The following POLD2 variants were observed in gnomAD, a reference collection of about 807,000 sequenced individuals.
POLD2 encodes the protein DNA polymerase delta 2, accessory subunit, also known as DNA polymerase delta subunit 2.
A neutral mutation model predicts 48.8 loss-of-function variants in POLD2; 31 were observed. The observed-to-expected ratio is 0.64, with a 90% confidence interval of 0.48 to 0.86. The LOEUF (loss-of-function observed/expected upper bound fraction) is 0.86. Among genes scored for constraint, POLD2 ranks in the 40% least tolerant of loss-of-function variants. The pLI, the probability that POLD2 is intolerant of heterozygous loss-of-function variation, is 0.00. For missense variants in POLD2, 455 were observed against 610.1 expected (o/e 0.75, Z 2.68); for synonymous variants, 233 against 256.3 (o/e 0.91, Z 0.87).
At chr7:44,123,766 T>A (rs1369542051), upstream of POLD2, 2 of 1,283,668 alleles carry the variant, frequency 1.6e-6, no homozygotes, top group Non-Finnish European at 2.0e-6. Context: ...GCCGCGGGTC[T>A]TTGGTTGGCG....
At chr7:44,119,015 C>G (rs1375293338) in intron 2 of POLD2, among the ~76,000 whole-genome samples, 1 of 150,900 alleles carries the variant, frequency 6.6e-6, no homozygotes, top group African/African-American at 2.4e-5. Flanking sequence ...CACCCTACCC[C>G]CCACCCCCAA....
At chr7:44,117,806 G>C (rs2096242592) in intron 3 of POLD2, 64 bp from the exon 4 acceptor site, 1 of 1,606,586 alleles carries the variant, frequency 6.2e-7, no homozygotes, top group Non-Finnish European at 8.5e-7. Flanking sequence ...TGGTGTTAGT[G>C]AGCTGGCACC....
Position 44,116,865 on chromosome 7 carries a change from A to T in POLD2, c.732T>A (p.Ala244=), listed in dbSNP as rs760962507. 2.5e-6 allele frequency: 4 copies of T among 1,613,986 alleles called. No homozygotes were observed. Among genetic ancestry groups the T allele is most frequent in the Admixed American group, 1.7e-5 (1 of 60,026 alleles). The change falls in exon 6 of 11, where the codon GCT becomes GCA. Residue 244 remains alanine (A), a synonymous_variant. Coordinates refer to ENST00000610533, the MANE Select transcript of POLD2 (RefSeq NM_006230.4). The surrounding 1 kb of genome is among the most constrained non-coding windows in gnomAD (Gnocchi z 6.1). ...SAAHVSRVIL[A]GNLLSHSTQS... is the part of the protein sequence containing the mutation. The stretch of plus-strand genomic sequence containing the variant: ...GGGTGCTGTGGCTGAGGAGGTTGCC[A>T]GCGAGGATAACCCGGGAGACGTGGG...
chr7:44,122,223 T>C (rs762922160), intron 1 of POLD2, 114 bp from the exon 2 acceptor site: 21 of 1,432,514 alleles, frequency 1.5e-5, no homozygotes, highest in Non-Finnish European at 1.8e-5. Context: ...ACAGCTGTAG[T>C]TGACACCAGA....
chr7:44,119,701 A>G (rs2096245733), intron 2 of POLD2, among the ~76,000 whole-genome samples: 1 of 152,242 alleles, frequency 6.6e-6, no homozygotes, highest in African/African-American at 2.4e-5. Context: ...TGTAACCGAT[A>G]GTAGGACATG....
chr7:44,122,737 C>G (rs758981), intron 1 of POLD2: 8,616 of 152,450 alleles, frequency 0.057, 335 homozygotes, highest in East Asian at 0.2. Flanking sequence ...CTCTTGCTTG[C>G]CCCTCTCCCG....
chr7:44,120,262 C>T (rs1390114976), intron 2 of POLD2, among the ~76,000 whole-genome samples: 1 of 152,208 alleles, frequency 6.6e-6, no homozygotes, highest in African/African-American at 2.4e-5. Context: ...TATCGTCCAT[C>T]ACTGGGGAGC....
rs756933625 is a variant in POLD2, at chr7:44,115,277, C to T, written c.1249+18G>A. 6.4e-7 allele frequency: 1 copy of T among 1,564,876 alleles called. No individual in the cohort carries two copies. Among genetic ancestry groups the T allele is most frequent in the Non-Finnish European group, 8.8e-7 (1 of 1,135,066 alleles). ...CAAATCAGCAAATCAGCCTGGGCCC[C>T]CAGAAGACAAAAATTACCTCGGATG... is the stretch of plus-strand genomic sequence containing the variant. On this transcript the variant is annotated intron_variant, in intron 10 of 10. Coordinates refer to ENST00000610533, the MANE Select transcript of POLD2 (RefSeq NM_006230.4).
chr7:44,122,466 C>T (rs2096249579), intron 1 of POLD2: 3 of 1,033,510 alleles, frequency 2.9e-6, no homozygotes, highest in South Asian at 8.8e-5. Flanking sequence ...GCACCTGTCT[C>T]ATTTCCAGAC....
At chr7:44,122,644 T>G (rs2128813115) in intron 1 of POLD2, among the ~76,000 whole-genome samples, 1 of 152,322 alleles carries the variant, frequency 6.6e-6, no homozygotes, top group Non-Finnish European at 1.5e-5. Flanking sequence ...CAACTGCCTA[T>G]GAGATCTGCT....
chr7:44,117,402 G>T, intron 4 of POLD2, 155 bp from the exon 5 acceptor site: 1 of 719,576 alleles, frequency 1.4e-6, no homozygotes, highest in Non-Finnish European at 2.4e-6. Flanking sequence ...TGGAGTCACT[G>T]CCCTTGGATG....
Position 44,114,907 on chromosome 7 carries a change from CAG to C in POLD2, c.1286_1287del (p.Pro429ArgfsTer32). On this transcript the variant is annotated frameshift_variant, in exon 11 of 11. Coordinates refer to ENST00000610533, the MANE Select transcript of POLD2 (RefSeq NM_006230.4). LOFTEE classifies it high-confidence loss of function. ...EDQTVLLVTV[P>X]DFSATQTACL... is the part of the protein sequence containing the mutation. ...CAGGCGGTCTGCGTGGCACTGAAGT[CAG>C]GGACAGTCACCAACAGCACTGTCTG... is the stretch of plus-strand genomic sequence containing the variant. 1.9e-6 allele frequency: 3 copies of C among 1,613,344 alleles called. No homozygotes were observed. Among genetic ancestry groups the C allele is most frequent in the Non-Finnish European group, 2.5e-6 (3 of 1,179,484 alleles).
Position 44,121,963 on chromosome 7 carries a change from T to G in POLD2, c.91A>C (p.Thr31Pro). 1 of 1,613,848 alleles carries G rather than the reference T, an allele frequency of 6.2e-7. No homozygotes were observed. Among genetic ancestry groups the G allele is most frequent in the Non-Finnish European group, 8.5e-7 (1 of 1,180,036 alleles). The change falls in exon 2 of 11, where the codon ACC becomes CCC. Residue 31 changes from threonine to proline, a missense_variant. Thr to Pro is a conservative substitution (Grantham distance 38). Coordinates refer to ENST00000610533, the MANE Select transcript of POLD2 (RefSeq NM_006230.4). The surrounding 1 kb of genome is among the most constrained non-coding windows in gnomAD (Gnocchi z 4.5). ...AAGGGTTGTGAGGAGTTGGTGTAGG[T>G]TGCCACTGGCACCCGGGCAAAGGTG... ...NATFARVPVA[T>P]YTNSSQPFRL...
chr7:44,117,600 C>T lies in POLD2; in HGVS notation c.466+19G>A. ...GCTCTTCACCTGCATCACCCACATC[C>T]TCTCATTGGGCTCCCTACCCGTAAC... On this transcript the variant is annotated intron_variant, in intron 4 of 10. Coordinates refer to ENST00000610533, the MANE Select transcript of POLD2 (RefSeq NM_006230.4). 1 of 1,594,376 alleles carries T rather than the reference C, an allele frequency of 6.3e-7. No homozygotes were observed.
upstream of POLD2, chr7:44,123,554 G>A (rs1412521229): frequency 4.7e-6 from 7 of 1,479,874 alleles, no homozygotes; most frequent in Admixed American, 2.3e-5. Flanking sequence ...CGCCTGCCCC[G>A]CCCATCGCCG....
In POLD2 at chr7:44,123,514, G is replaced by T. The variant is rs576036657; in HGVS notation, c.-60C>A. 2 of 1,481,740 alleles carry T rather than the reference G, an allele frequency of 1.3e-6. No individual in the cohort carries two copies. Among genetic ancestry groups the T allele is most frequent in the Non-Finnish European group, 1.8e-6 (2 of 1,124,020 alleles). The allele number at this position is 1,481,740 out of a possible 1,614,324, so 91.8% of individuals were successfully genotyped here. A position where few individuals can be genotyped will look rare whatever the true frequency, so the allele number is the denominator to read the frequency against. On this transcript the variant is annotated 5_prime_UTR_variant, in exon 1 of 11. Coordinates refer to ENST00000610533, the MANE Select transcript of POLD2 (RefSeq NM_006230.4). ...CGTTTCCCTGGACCCCACTCACCGC[G>T]CGGCGCGCCGCATCCCGCCAATCCC...
intron 2 of POLD2, among the ~76,000 whole-genome samples, chr7:44,118,754 T>G (rs1010536161): frequency 3.3e-5 from 5 of 151,946 alleles, no homozygotes; most frequent in African/African-American, 1.2e-4. Context: ...CTCTTGACCT[T>G]GTGATCTGCC....
chr7:44,122,548 C>G (rs2096249701), intron 1 of POLD2: 2 of 716,012 alleles, frequency 2.8e-6, no homozygotes, highest in East Asian at 2.6e-4. Flanking sequence ...TAGAACTAAA[C>G]CAAAACCAAA....
At chr7:44,120,976 G>C (rs1170411905) in intron 2 of POLD2, among the ~76,000 whole-genome samples, 1 of 152,140 alleles carries the variant, frequency 6.6e-6, no homozygotes, top group African/African-American at 2.4e-5. Context: ...ATTGATCTTG[G>C]CTTGGCATGG....
Sources: gnomAD v4.1 joint callset for allele counts (sites outside exome capture counted in the v4.1 genomes callset) on GRCh38, gnomAD v4.1.1 for gene constraint, Gnocchi (gnomAD v3.1) non-coding constraint, MANE v1.5 for transcripts, NCBI Gene and HGNC (gene_info 2026-07-23, HGNC 2026-07-21) for gene names.